Variants in GPATCH2 observed in about 807,000 individuals in gnomAD.
GPATCH2 encodes G-patch domain containing 2.
Under a neutral mutation model 58.0 loss-of-function variants are expected in GPATCH2, and 51 were observed. The observed-to-expected ratio is 0.88, with a 90% CI of 0.70 to 1.11. The LOEUF (loss-of-function observed/expected upper bound fraction) is 1.11. Among genes scored for constraint, GPATCH2 ranks in the 50% most tolerant of loss-of-function variants. The probability of loss-of-function intolerance (pLI) is 0.00; values close to 1 mark genes in which losing one functional copy is unlikely to be tolerated. For missense variants in GPATCH2, 625 were observed against 652.2 expected (o/e 0.96, Z 0.45); for synonymous variants, 222 against 218.5 (o/e 1.02, Z -0.14).
At chr1:217,554,749 A>C (rs764171074) in intron 5 of GPATCH2, among the ~76,000 whole-genome samples, 2 of 152,354 alleles carry the variant, frequency 1.3e-5, no homozygotes, top group South Asian at 4.1e-4. Flanking sequence ...GATACTTCTT[A>C]TATGTTACTA....
intron 8 of GPATCH2, among the ~76,000 whole-genome samples, chr1:217,462,390 C>T (rs544713947): frequency 6.6e-6 from 1 of 152,066 alleles, no homozygotes; most frequent in Non-Finnish European, 1.5e-5. Flanking sequence ...GCACATAAAT[C>T]GATCTACATA....
intron 6 of GPATCH2, among the ~76,000 whole-genome samples, chr1:217,508,789 A>T (rs1662691987): frequency 6.6e-6 from 1 of 152,130 alleles, no homozygotes; most frequent in Non-Finnish European, 1.5e-5. Flanking sequence ...CTCTAGCTGG[A>T]TTGAGGCTCT....
chr1:217,516,260 T>C (rs374203615), intron 5 of GPATCH2, among the ~76,000 whole-genome samples: 12 of 152,156 alleles, frequency 7.9e-5, no homozygotes, highest in African/African-American at 2.2e-4. Context: ...ATTATAGAAG[T>C]GCCATTTATA....
intron 8 of GPATCH2, among the ~76,000 whole-genome samples, chr1:217,473,713 T>C (rs1363719494): frequency 6.6e-6 from 1 of 151,326 alleles, no homozygotes; most frequent in African/African-American, 2.4e-5. Context: ...CAACATGATA[T>C]AAGCAAGGTG....
chr1:217,502,750 C>T (rs1662367006), intron 6 of GPATCH2, among the ~76,000 whole-genome samples: 1 of 152,078 alleles, frequency 6.6e-6, no homozygotes, highest in South Asian at 2.1e-4. Context: ...ATACAAGTGT[C>T]TCCTCATGGT....
At chr1:217,441,304 T>G (rs181118281) in intron 9 of GPATCH2, among the ~76,000 whole-genome samples, 3 of 152,128 alleles carry the variant, frequency 2.0e-5, no homozygotes, top group Non-Finnish European at 4.4e-5. Flanking sequence ...GCTAGCCATA[T>G]GCAGAAAACT....
intron 2 of GPATCH2, among the ~76,000 whole-genome samples, chr1:217,618,671 A>G (rs527918692): frequency 3.3e-5 from 5 of 152,280 alleles, no homozygotes; most frequent in African/African-American, 1.2e-4. Flanking sequence ...CAAATAAAAG[A>G]TTGATAGCTC....
At chr1:217,472,402 C>T (rs575657334) in intron 8 of GPATCH2, among the ~76,000 whole-genome samples, 145 of 150,656 alleles carry the variant, frequency 9.6e-4, no homozygotes, top group African/African-American at 3.3e-3. Flanking sequence ...CCCAGGTTCA[C>T]GCCATTCTCC....
At chr1:217,602,297 A>G (rs919522825) in intron 5 of GPATCH2, among the ~76,000 whole-genome samples, 11 of 152,272 alleles carry the variant, frequency 7.2e-5, no homozygotes, top group Admixed American at 5.2e-4. Flanking sequence ...TATCTCAGTA[A>G]TACTGGATTC....
chr1:217,569,643 G>T (rs573450508), intron 5 of GPATCH2, among the ~76,000 whole-genome samples: 1 of 152,092 alleles, frequency 6.6e-6, no homozygotes, highest in Non-Finnish European at 1.5e-5. Context: ...TGCAGTGAGC[G>T]AAGACTGCAC....
At chr1:217,467,108 C>T (rs543163414) in intron 8 of GPATCH2, among the ~76,000 whole-genome samples, 6 of 152,228 alleles carry the variant, frequency 3.9e-5, no homozygotes, top group East Asian at 1.9e-4. Flanking sequence ...ACCTGGGAGG[C>T]GGATGTTGCA....
intron 5 of GPATCH2, among the ~76,000 whole-genome samples, chr1:217,530,337 G>C (rs1479368532): frequency 6.6e-6 from 1 of 152,156 alleles, no homozygotes; most frequent in Non-Finnish European, 1.5e-5. Context: ...CTACAAAATG[G>C]GGGTGGATAA....
chr1:217,448,628 T>C (rs527343927), intron 9 of GPATCH2, among the ~76,000 whole-genome samples: 11 of 152,212 alleles, frequency 7.2e-5, no homozygotes, highest in Non-Finnish European at 1.5e-4. Flanking sequence ...CGATCTACAG[T>C]GACTTCCCTC....
At chr1:217,600,316 G>C (rs1443009085) in intron 5 of GPATCH2, among the ~76,000 whole-genome samples, 2 of 152,046 alleles carry the variant, frequency 1.3e-5, no homozygotes. Flanking sequence ...CCCCTTTCCT[G>C]GATGACAGTC....
chr1:217,517,619 T>C (rs1448058088), intron 5 of GPATCH2, among the ~76,000 whole-genome samples: 5 of 152,122 alleles, frequency 3.3e-5, no homozygotes, highest in Admixed American at 3.3e-4. Flanking sequence ...TTCTGTCTTA[T>C]CATTAATTCA....
At chr1:217,490,184 G>A (rs527516998) in intron 8 of GPATCH2, among the ~76,000 whole-genome samples, 4 of 152,212 alleles carry the variant, frequency 2.6e-5, no homozygotes, top group South Asian at 2.1e-4. Context: ...TTCATGCAGC[G>A]CAATGAGGAT....
intron 8 of GPATCH2, among the ~76,000 whole-genome samples, chr1:217,484,592 C>A (rs1052064216): frequency 6.8e-6 from 1 of 147,080 alleles, no homozygotes; most frequent in African/African-American, 2.5e-5. Context: ...CACATATACA[C>A]GTGTGCATAT....
chr1:217,514,351 G>C (rs186163587), intron 6 of GPATCH2, among the ~76,000 whole-genome samples: 8 of 145,300 alleles, frequency 5.5e-5, no homozygotes, highest in African/African-American at 2.1e-4. Flanking sequence ...GTAGAGATGG[G>C]TTTCGCCATG....
intron 8 of GPATCH2, among the ~76,000 whole-genome samples, chr1:217,456,100 C>T (rs933292701): frequency 1.3e-5 from 2 of 152,064 alleles, no homozygotes; most frequent in Non-Finnish European, 2.9e-5. Flanking sequence ...TCCTCAAGTC[C>T]CTGTGTGACC....
Sources: gnomAD v4.1 joint callset for allele counts (sites outside exome capture counted in the v4.1 genomes callset) on GRCh38, gnomAD v4.1.1 for gene constraint, MANE v1.5 for transcripts, NCBI Gene and HGNC (gene_info 2026-07-23, HGNC 2026-07-21) for gene names.